Variants in SCAI observed in about 807,000 individuals in gnomAD.
The protein encoded by SCAI is suppressor of cancer cell invasion.
In SCAI, 24 loss-of-function variants were observed where a neutral mutation model predicts 92.2. The ratio of observed to expected loss-of-function variants is 0.26; its 90% CI spans 0.19 to 0.37. The LOEUF (loss-of-function observed/expected upper bound fraction) is 0.37, where lower values mean the gene tolerates loss of function less well. SCAI is among the 10% of genes least tolerant of loss of function. The probability of loss-of-function intolerance (pLI) is 1.00; values close to 1 mark genes in which losing one functional copy is unlikely to be tolerated. For synonymous variants in SCAI, 261 were observed against 258.6 expected (o/e 1.01, Z -0.09); for missense variants, 450 against 736.2 (o/e 0.61, Z 4.50).
intron 3 of SCAI, among the ~76,000 whole-genome samples, chr9:125,043,872 T>C (rs1049345508): frequency 4.6e-5 from 7 of 152,020 alleles, no homozygotes; most frequent in African/African-American, 1.7e-4. Context: ...CAGGAACAGG[T>C]GGAAGCCGGG....
chr9:125,110,887 C>T (rs1398245043), intron 2 of SCAI, among the ~76,000 whole-genome samples: 1 of 152,160 alleles, frequency 6.6e-6, no homozygotes, highest in African/African-American at 2.4e-5. Context: ...CCTGAGGCCT[C>T]CCCAGAAGCA....
intron 3 of SCAI, among the ~76,000 whole-genome samples, chr9:125,042,634 T>TACACAC (rs1554783862): frequency 0.022 from 2,113 of 96,144 alleles, 72 homozygotes; most frequent in African/African-American, 0.071. Flanking sequence ...TGTGTGTGTG[T>TACACAC]ACACACACAC....
chr9:125,090,311 A>G (rs566670970), intron 2 of SCAI, among the ~76,000 whole-genome samples: 10 of 152,238 alleles, frequency 6.6e-5, no homozygotes, highest in African/African-American at 2.4e-4. Context: ...GATAAGAAGA[A>G]GAGGAAGGAG....
chr9:125,031,160 C>A (rs762669409), intron 3 of SCAI, among the ~76,000 whole-genome samples: 33 of 151,978 alleles, frequency 2.2e-4, no homozygotes, highest in African/African-American at 7.0e-4. Context: ...AGAAGACAGT[C>A]GTGTCTCAAA....
chr9:125,130,181 G>T (rs368754869), intron 2 of SCAI, among the ~76,000 whole-genome samples: 1 of 152,156 alleles, frequency 6.6e-6, no homozygotes, highest in African/African-American at 2.4e-5. Context: ...TTACAGGCAT[G>T]AGCCACCACG....
intron 3 of SCAI, among the ~76,000 whole-genome samples, chr9:125,051,017 CTTAT>C (rs933328068): frequency 3.3e-5 from 5 of 151,842 alleles, no homozygotes; most frequent in Non-Finnish European, 7.4e-5. Context: ...ATAATTATGG[CTTAT>C]TTATTTATTT....
At chr9:124,959,430 G>GT (rs1218005485) in intron 17 of SCAI, among the ~76,000 whole-genome samples, 1 of 146,370 alleles carries the variant, frequency 6.8e-6, no homozygotes, top group Non-Finnish European at 1.5e-5. Flanking sequence ...TGTAACTATG[G>GT]TACAACCACT....
intron 2 of SCAI, among the ~76,000 whole-genome samples, chr9:125,134,657 TA>T (rs1186267801): frequency 1.3e-5 from 2 of 152,180 alleles, no homozygotes; most frequent in Admixed American, 1.3e-4. Context: ...CAAAAGCACA[TA>T]GAGACCAAGT....
In SCAI at chr9:124,951,199, G is replaced by T. The variant is rs10819014; in HGVS notation, c.*1608C>A. 58,248 of 151,302 alleles carry T rather than the reference G, an allele frequency of 0.38. 11,616 individuals carry two copies. Among genetic ancestry groups the T allele is most frequent in the African/African-American group, 0.47 (19,295 of 41,236 alleles). 9.4% of individuals were successfully genotyped at this position (151,302 alleles called of 1,614,324 possible). A position where few individuals can be genotyped will look rare whatever the true frequency, so the allele number is the denominator to read the frequency against. On this transcript the variant is annotated 3_prime_UTR_variant, in exon 18 of 18. Transcript: ENST00000336505. ...TAGACCCAAATTAGTCTCTATGCCA[G>T]AAATGAAAACCAAGTTAAAAATAAT...
intron 17 of SCAI, among the ~76,000 whole-genome samples, chr9:124,967,363 C>A (rs1831562124): frequency 6.6e-6 from 1 of 152,182 alleles, no homozygotes; most frequent in African/African-American, 2.4e-5. Context: ...CCTCATTTAA[C>A]AGATGGGAAA....
At chr9:125,118,545 T>C (rs1835097605) in intron 2 of SCAI, among the ~76,000 whole-genome samples, 1 of 121,584 alleles carries the variant, frequency 8.2e-6, no homozygotes, top group Non-Finnish European at 1.8e-5. Flanking sequence ...TAAAGCATAA[T>C]GACAACAGGT....
chr9:124,968,425 A>G (rs1831583235), intron 17 of SCAI: 1 of 1,128,748 alleles, frequency 8.9e-7, no homozygotes, highest in South Asian at 1.2e-5. Context: ...TTCTCAGTCC[A>G]GTCATAACGC....
intron 2 of SCAI, among the ~76,000 whole-genome samples, chr9:125,063,226 T>C (rs637473): frequency 0.21 from 31,402 of 150,840 alleles, 4,114 homozygotes; most frequent in Non-Finnish European, 0.3. Flanking sequence ...CTGGCCAACA[T>C]GGCAAAACAG....
At chr9:125,108,489 G>A (rs1467124467) in intron 2 of SCAI, among the ~76,000 whole-genome samples, 8 of 147,254 alleles carry the variant, frequency 5.4e-5, no homozygotes, top group South Asian at 2.2e-4. Flanking sequence ...CCGCCGCCCC[G>A]TCTGGGATGT....
intron 2 of SCAI, among the ~76,000 whole-genome samples, chr9:125,141,671 A>G (rs1160262933): frequency 1.3e-5 from 2 of 152,266 alleles, no homozygotes; most frequent in African/African-American, 4.8e-5. Context: ...TTTCAATTGC[A>G]TATTTATTAG....
intron 15 of SCAI, among the ~76,000 whole-genome samples, chr9:124,972,652 T>C (rs1371863918): frequency 1.3e-5 from 2 of 152,208 alleles, no homozygotes; most frequent in African/African-American, 4.8e-5. Flanking sequence ...AAACTCAACA[T>C]GTCAACAACT....
At chr9:124,989,664 A>G (rs948288198) in intron 14 of SCAI, among the ~76,000 whole-genome samples, 1 of 151,408 alleles carries the variant, frequency 6.6e-6, no homozygotes, top group Non-Finnish European at 1.5e-5. Context: ...TGGGTAAATC[A>G]TCTGAGGTCA....
intron 3 of SCAI, among the ~76,000 whole-genome samples, chr9:125,044,306 C>A (rs1314640795): frequency 6.6e-6 from 1 of 152,124 alleles, no homozygotes; most frequent in Non-Finnish European, 1.5e-5. Flanking sequence ...CCAATCAGCA[C>A]ACACTTCCAC....
rs926495288 is a variant in SCAI at position 125,073,267 on chromosome 9, G to T, written c.99-17260C>A. On this transcript the variant is annotated intron_variant, in intron 2 of 17. Coordinates refer to ENST00000336505, the MANE Select transcript of SCAI (RefSeq NM_001144877.3). ...CTACAGGCGCCCGCTACCACGCCCG[G>T]CTAATTTTTTGTATTTTTAGTAGAG... Among the ~76,000 whole-genome samples, 19 of 150,266 alleles carry T rather than the reference G, an allele frequency of 1.3e-4. No homozygotes were observed. In the East Asian group the frequency reaches 3.7e-3, roughly 29 times the overall value.
Sources: allele counts gnomAD v4.1 joint callset (sites outside exome capture counted in the v4.1 genomes callset), GRCh38; gene constraint gnomAD v4.1.1; transcripts MANE v1.5; gene names NCBI Gene and HGNC (gene_info 2026-07-23, HGNC 2026-07-21).